Variants in ST6GALNAC6 observed in about 807,000 individuals in gnomAD.
The protein encoded by ST6GALNAC6 is ST6 N-acetylgalactosaminide alpha-2,6-sialyltransferase 6, also known as alpha-N-acetylgalactosaminide alpha-2,6-sialyltransferase 6.
In ST6GALNAC6, 19 loss-of-function variants were observed where a neutral mutation model predicts 34.3. That is an observed-to-expected ratio of 0.55 (90% confidence interval 0.39 to 0.81). The LOEUF is 0.81. Among genes scored for constraint, ST6GALNAC6 ranks in the 40% least tolerant of loss-of-function variants. The pLI, the probability that ST6GALNAC6 is intolerant of heterozygous loss-of-function variation, is 0.00. For synonymous variants in ST6GALNAC6, 185 were observed against 182.1 expected, an observed-to-expected ratio of 1.02 and a Z score of -0.13; for missense variants, 377 against 467.7, an observed-to-expected ratio of 0.81 and a Z score of 1.79.
chr9:127,897,389 C>T, intron 2 of ST6GALNAC6: 1 of 986,434 alleles, frequency 1.0e-6, no homozygotes. Context: ...TTTACTCCTA[C>T]ACGGCCACCA....
chr9:127,905,245 G>C (rs1830887464), exon 1 of ST6GALNAC6: 1 of 985,558 alleles, frequency 1.0e-6, no homozygotes, highest in East Asian at 1.1e-4. Flanking sequence ...CAAAAGCAGA[G>C]AGTCTTCAGT....
chr9:127,893,844 T>C (rs1588646523), intron 4 of ST6GALNAC6, among the ~76,000 whole-genome samples: 1 of 152,230 alleles, frequency 6.6e-6, no homozygotes, highest in East Asian at 1.9e-4. Context: ...GAAGAAAATA[T>C]AGGAGGGTCA....
At chr9:127,898,503 A>G (rs1215389830) in intron 1 of ST6GALNAC6, among the ~76,000 whole-genome samples, 1 of 152,266 alleles carries the variant, frequency 6.6e-6, no homozygotes, top group African/African-American at 2.4e-5. Context: ...TCACTGTTCA[A>G]GGCCCGCCTC....
chr9:127,897,479 CCCT>C (rs1276333481), intron 2 of ST6GALNAC6: 1 of 970,916 alleles, frequency 1.0e-6, no homozygotes, highest in Admixed American at 5.9e-5. Flanking sequence ...TGGCCCCGCC[CCCT>C]CTCCAACCCC....
intron 2 of ST6GALNAC6, chr9:127,896,977 T>C: frequency 3.1e-6 from 3 of 981,292 alleles, no homozygotes; most frequent in South Asian, 9.4e-5. Context: ...TCTCGGGGGC[T>C]AAGGGCACAG....
intron 2 of ST6GALNAC6, 34 bp from the exon 3 acceptor site, chr9:127,896,366 G>A (rs367859245): frequency 1.7e-5 from 26 of 1,562,344 alleles, no homozygotes; most frequent in East Asian, 1.6e-4. Flanking sequence ...TTATGGCTTC[G>A]GTCCTTTGGG....
At chr9:127,905,878 C>T (rs897365953), upstream of ST6GALNAC6, 1 of 946,446 alleles carries the variant, frequency 1.1e-6, no homozygotes, top group Non-Finnish European at 1.3e-6. Context: ...CAGGGCCCTC[C>T]CTCTGAGCCC....
chr9:127,889,452 T>A (rs1487994667), intron 5 of ST6GALNAC6, among the ~76,000 whole-genome samples: 1 of 151,774 alleles, frequency 6.6e-6, no homozygotes, highest in Non-Finnish European at 1.5e-5. Context: ...TTCTTTTTTT[T>A]TTTTTTCTTG....
At chr9:127,897,837 C>T in intron 2 of ST6GALNAC6, 119 bp downstream of exon 2, 1 of 1,580,270 alleles carries the variant, frequency 6.3e-7, no homozygotes. Context: ...TTTGCCCGAG[C>T]TGTGCCCTCA....
At position 127,890,526 on chromosome 9, in the gene ST6GALNAC6, G is replaced by A. The variant is rs1830069816; in HGVS notation, c.704+111C>T. On this transcript the variant is annotated intron_variant, in intron 5 of 6. Transcript: ENST00000373146. This position sits in a 1 kb window ranked among gnomAD's most constrained non-coding sequence, Gnocchi z 4.3. ...AGGAGGCCCAACCAGAGGACGGCGG[G>A]ACTTGACTACCCCTCAGAGCAGTGC... The A allele has an allele frequency of 1.3e-6, 2 of 1,493,448 alleles. No individual in the cohort carries two copies. The highest frequency in any genetic ancestry group is 1.4e-5 in the African/African-American group (1 of 72,170). 92.5% of individuals were successfully genotyped at this position (1,493,448 alleles called of 1,614,324 possible). A position where few individuals can be genotyped will look rare whatever the true frequency, so the allele number is the denominator to read the frequency against.
intron 2 of ST6GALNAC6, chr9:127,897,104 G>A (rs991056567): frequency 2.6e-4 from 247 of 938,142 alleles, no homozygotes; most frequent in Non-Finnish European, 3.0e-4. Context: ...GGGGCCTTTG[G>A]AAGACCTGGC....
Position 127,897,309 on chromosome 9 carries a change from C to T in ST6GALNAC6, c.26+647G>A, listed in dbSNP as rs1027837728. ...AGAAACTGGGGCTTAGGGGGCCCTCCTCAGCTCCGTCCCCTGCTCCAGGGG... is the reference window on the plus strand; with the variant it reads ...AGAAACTGGGGCTTAGGGGGCCCTCTTCAGCTCCGTCCCCTGCTCCAGGGG... On this transcript the variant is annotated intron_variant, in intron 2 of 6. Coordinates refer to ENST00000373146, the MANE Select transcript of ST6GALNAC6 (RefSeq NM_013443.5). The T allele has an allele frequency of 2.1e-5, 21 of 985,804 alleles. No individual in the cohort carries two copies. In the African/African-American group the frequency reaches 3.3e-4, roughly 16 times the overall value. 61.1% of individuals were successfully genotyped at this position (985,804 alleles called of 1,614,324 possible).
At position 127,896,291 on chromosome 9, in the gene ST6GALNAC6, C is replaced by T. The variant is rs151028709; in HGVS notation, c.68G>A (p.Arg23His). 3.3e-5 allele frequency: 53 copies of T among 1,613,956 alleles called. No homozygotes were observed. Among genetic ancestry groups the T allele is most frequent in the Middle Eastern group, 1.7e-4 (1 of 6,056 alleles). Residue 23 changes from arginine to histidine, a missense_variant, in exon 3 of 7, where the codon CGC becomes CAC. Arg to His is a conservative substitution (Grantham distance 29). Transcript: ENST00000373146. ...GCGTCTGCTGAGGGGTAGGTGTCGG[C>T]GTCCTGCAGGTGGCCCTGGGGGCAG... ...TSLPPGPPAG[R>H]RHLPLSRRRR...
At chr9:127,901,255 G>C (rs962858601), upstream of ST6GALNAC6, among the ~76,000 whole-genome samples, 1 of 152,156 alleles carries the variant, frequency 6.6e-6, no homozygotes. Context: ...GAATCTTAGA[G>C]ACACAAGGAG....
intron 2 of ST6GALNAC6, chr9:127,897,254 G>A (rs1280509898): frequency 5.1e-6 from 5 of 985,830 alleles, no homozygotes; most frequent in Admixed American, 6.1e-5. Flanking sequence ...CAGACAGGCC[G>A]GGGGCAGGGC....
In ST6GALNAC6 at chr9:127,896,330, C is replaced by T. The variant is rs1235940671; in HGVS notation, c.29G>A (p.Cys10Tyr). The change falls in exon 3 of 7, where the codon TGT becomes TAT. Residue 10 changes from cysteine to tyrosine, a missense_variant and splice_region_variant. Cys to Tyr is a radical substitution (Grantham distance 194). Coordinates refer to ENST00000373146, the MANE Select transcript of ST6GALNAC6 (RefSeq NM_013443.5). MACSRPPSQCEPTSLPPGPP... is the reference protein window; with the variant it reads MACSRPPSQYEPTSLPPGPP... ...CCCTGGGGGCAGGGATGTGGGTTCA[C>T]ACCTGCAAGCCACCAGAAAGGGTTA... is the stretch of plus-strand genomic sequence containing the variant. The T allele has an allele frequency of 5.0e-6, 8 of 1,609,482 alleles. No individual in the cohort carries two copies. Among genetic ancestry groups the T allele is most frequent in the Non-Finnish European group, 6.8e-6 (8 of 1,177,746 alleles).
intron 4 of ST6GALNAC6, among the ~76,000 whole-genome samples, chr9:127,892,262 A>T (rs1830192327): frequency 1.3e-5 from 2 of 152,326 alleles, no homozygotes; most frequent in South Asian, 2.1e-4. Context: ...TCCTGTCCAT[A>T]GGCTAAGCTA....
At chr9:127,902,990 C>CTTTTTTTTTTTTTTTTTTTTTTTGTTT, upstream of ST6GALNAC6, 1 of 54,122 alleles carries the variant, frequency 1.8e-5, no homozygotes, top group Non-Finnish European at 3.1e-5. Flanking sequence ...TTTTTGCTTG[C>CTTTTTTTTTTTTTTTTTTTTTTTGTTT]TTTTTTTTTT....
At chr9:127,897,019 G>A (rs1200819353) in intron 2 of ST6GALNAC6, 1 of 923,788 alleles carries the variant, frequency 1.1e-6, no homozygotes, top group Admixed American at 6.2e-5. Flanking sequence ...TTCTAGTCCA[G>A]GCTCGACAGT....
Sources: allele counts gnomAD v4.1 joint callset (sites outside exome capture counted in the v4.1 genomes callset), GRCh38; gene constraint gnomAD v4.1.1; non-coding constraint Gnocchi (gnomAD v3.1); transcripts MANE v1.5; gene names NCBI Gene and HGNC (gene_info 2026-07-23, HGNC 2026-07-21).